PPARG: variants seen among roughly 807,000 people sequenced by gnomAD.
PPARG encodes the protein peroxisome proliferator-activated receptor gamma.
In PPARG, 17 loss-of-function variants were observed where a neutral mutation model predicts 39.2. That is an observed-to-expected ratio of 0.43 (90% confidence interval 0.30 to 0.65). PPARG has a LOEUF of 0.65. PPARG is among the 30% of genes least tolerant of loss of function. The probability of loss-of-function intolerance (pLI) is 0.13; values close to 1 mark genes in which losing one functional copy is unlikely to be tolerated. For synonymous variants in PPARG, 223 were observed against 215.7 expected, an observed-to-expected ratio of 1.03 and a Z score of -0.30; for missense variants, 406 against 585.9, an observed-to-expected ratio of 0.69 and a Z score of 3.17.
chr3:12,370,634 A>G (rs1417871797), intron 2 of PPARG, among the ~76,000 whole-genome samples: 1 of 152,212 alleles, frequency 6.6e-6, no homozygotes, highest in African/African-American at 2.4e-5. Context: ...AATATTGCAC[A>G]CTGTGCTTTT....
At chr3:12,357,795 C>T (rs2048716496) in intron 2 of PPARG, among the ~76,000 whole-genome samples, 2 of 152,136 alleles carry the variant, frequency 1.3e-5, no homozygotes, top group African/African-American at 4.8e-5. Context: ...CAATTTAGCC[C>T]TGAGTTCAAA....
At chr3:12,342,223 A>C (rs1575023279) in intron 2 of PPARG, among the ~76,000 whole-genome samples, 2 of 152,252 alleles carry the variant, frequency 1.3e-5, no homozygotes, top group Non-Finnish European at 1.5e-5. Flanking sequence ...ATGGAGAATC[A>C]AGCTAAATGA....
intron 5 of PPARG, among the ~76,000 whole-genome samples, chr3:12,399,922 T>C (rs2050411194): frequency 6.6e-6 from 1 of 151,266 alleles, no homozygotes; most frequent in African/African-American, 2.4e-5. Flanking sequence ...CCCAGAAGGT[T>C]GCAGTGAGCT....
At chr3:12,431,856 C>T (rs2051672239) in intron 7 of PPARG, among the ~76,000 whole-genome samples, 8 of 152,080 alleles carry the variant, frequency 5.3e-5, no homozygotes, top group Admixed American at 5.2e-4. Flanking sequence ...AGGAGGATCA[C>T]CTGAACCCAG....
At chr3:12,296,254 CAAAAA>C (rs545210244) in intron 1 of PPARG, among the ~76,000 whole-genome samples, 1 of 48,628 alleles carries the variant, frequency 2.1e-5, no homozygotes, top group Non-Finnish European at 3.8e-5. Context: ...CACTTTGTCT[CAAAAA>C]AAAAAAAAAA....
intron 2 of PPARG, among the ~76,000 whole-genome samples, chr3:12,348,583 C>T (rs1394545228): frequency 6.6e-6 from 1 of 152,202 alleles, no homozygotes; most frequent in Non-Finnish European, 1.5e-5. Context: ...AAGTCACATC[C>T]ATACCCTTCT....
chr3:12,381,479 T>C lies in PPARG; in HGVS notation c.378T>C (p.Cys126=), dbSNP rs1348309103. 1 of 1,613,480 alleles carries C rather than the reference T, an allele frequency of 6.2e-7. No homozygotes were observed. The highest frequency in any genetic ancestry group is 1.7e-5 in the Admixed American group (1 of 59,932). The change falls in exon 4 of 8, where the codon TGT becomes TGC. Residue 126 remains cysteine (C), a synonymous_variant. Coordinates refer to ENST00000651735, the MANE Select transcript of PPARG (RefSeq NM_138711.6). The stretch of plus-strand genomic sequence containing the variant: ...GATTTCACTATGGAGTTCATGCTTG[T>C]GAAGGATGCAAGGTAATTAAAAAAA... ...ASGFHYGVHA[C]EGCKGFFRRT...
chr3:12,394,236 T>C (rs982439747), intron 5 of PPARG, among the ~76,000 whole-genome samples: 3 of 152,204 alleles, frequency 2.0e-5, no homozygotes, highest in Non-Finnish European at 4.4e-5. Flanking sequence ...CAGTTCCGCT[T>C]TTAACACTAA....
At chr3:12,426,478 T>C (rs1223810633) in intron 7 of PPARG, among the ~76,000 whole-genome samples, 1 of 150,390 alleles carries the variant, frequency 6.6e-6, no homozygotes, top group East Asian at 2.0e-4. Context: ...AGCGTTCTTA[T>C]AAATCCCCAG....
At position 12,379,933 on chromosome 3, in the gene PPARG, TATG is replaced by T; in HGVS notation, c.220+6_220+8del. The stretch of plus-strand genomic sequence containing the variant: ...ACCTGAAACTTCAAGAGTACCAAAG[TATG>T]ATGTTTATTTTCACTTTTCAGACTA... On this transcript the variant is annotated splice_donor_5th_base_variant and intron_variant, in intron 3 of 7. Coordinates refer to ENST00000651735, the MANE Select transcript of PPARG (RefSeq NM_138711.6). 1.9e-6 allele frequency: 3 copies of T among 1,587,414 alleles called. No individual in the cohort carries two copies. Among genetic ancestry groups the T allele is most frequent in the Non-Finnish European group, 2.6e-6 (3 of 1,155,870 alleles).
intron 1 of PPARG, among the ~76,000 whole-genome samples, chr3:12,307,717 G>A (rs1451799547): frequency 6.6e-6 from 1 of 152,160 alleles, no homozygotes; most frequent in Non-Finnish European, 1.5e-5. Flanking sequence ...GGAATTAAGA[G>A]GAAATTGAAG....
intron 2 of PPARG, among the ~76,000 whole-genome samples, chr3:12,369,852 C>T (rs991536579): frequency 6.6e-6 from 1 of 152,190 alleles, no homozygotes; most frequent in African/African-American, 2.4e-5. Context: ...ACTAATTCAT[C>T]CTCAAACTCT....
At chr3:12,292,501 C>G (rs1262948661) in intron 1 of PPARG, among the ~76,000 whole-genome samples, 1 of 152,178 alleles carries the variant, frequency 6.6e-6, no homozygotes, top group African/African-American at 2.4e-5. Flanking sequence ...GGGTCTCTTT[C>G]AACAAGCACT....
At chr3:12,298,088 A>G (rs548063410) in intron 1 of PPARG, 1 of 151,354 alleles carries the variant, frequency 6.6e-6, no homozygotes, top group African/African-American at 2.4e-5. Context: ...TCACGAGGTC[A>G]GGAGATCGAG....
At chr3:12,331,658 T>A (rs2047863641) in intron 2 of PPARG, among the ~76,000 whole-genome samples, 5 of 152,128 alleles carry the variant, frequency 3.3e-5, no homozygotes. Flanking sequence ...GAGAGTGTCT[T>A]TGGATTCCAG....
intron 4 of PPARG, among the ~76,000 whole-genome samples, 172 bp from the exon 5 acceptor site, chr3:12,392,442 A>G (rs1221408657): frequency 6.6e-6 from 1 of 152,226 alleles, no homozygotes; most frequent in African/African-American, 2.4e-5. Flanking sequence ...ATTTTATAGC[A>G]GAGAACATTT....
chr3:12,306,895 G>A (rs535821679), intron 1 of PPARG, among the ~76,000 whole-genome samples: 3 of 152,098 alleles, frequency 2.0e-5, no homozygotes, highest in South Asian at 2.1e-4. Context: ...TCAGGAGATC[G>A]AGACCATCCT....
chr3:12,316,247 A>G (rs552209435), intron 2 of PPARG, among the ~76,000 whole-genome samples: 1 of 152,350 alleles, frequency 6.6e-6, no homozygotes, highest in South Asian at 2.1e-4. Flanking sequence ...GACATGAAAA[A>G]TGAAATGTGA....
intron 2 of PPARG, among the ~76,000 whole-genome samples, chr3:12,337,539 T>C (rs2048048683): frequency 6.6e-6 from 1 of 152,194 alleles, no homozygotes; most frequent in Non-Finnish European, 1.5e-5. Flanking sequence ...AAGAAAATCT[T>C]AGAAGCCATC....
Sources: allele counts gnomAD v4.1 joint callset (sites outside exome capture counted in the v4.1 genomes callset), GRCh38; gene constraint gnomAD v4.1.1; transcripts MANE v1.5; gene names NCBI Gene and HGNC (gene_info 2026-07-23, HGNC 2026-07-21).